The following FARP1 variants were observed in gnomAD, a reference collection of about 807,000 sequenced individuals.
FARP1 encodes FERM, ARH/RhoGEF and pleckstrin domain protein 1, also known as FERM, ARHGEF and pleckstrin domain-containing protein 1.
In FARP1, 52 loss-of-function variants were observed where a neutral mutation model predicts 128.8. The ratio of observed to expected loss-of-function variants is 0.40; its 90% CI spans 0.32 to 0.51. FARP1 has a LOEUF of 0.51. Among genes scored for constraint, FARP1 ranks in the 20% least tolerant of loss-of-function variants. The probability of loss-of-function intolerance (pLI) is 0.45; values close to 1 mark genes in which losing one functional copy is unlikely to be tolerated. For synonymous variants in FARP1, 580 were observed against 551.8 expected, an observed-to-expected ratio of 1.05 and a Z score of -0.72; for missense variants, 1,333 against 1,367.9, an observed-to-expected ratio of 0.97 and a Z score of 0.40.
chr13:98,196,367 G>A (rs76729910), intron 1 of FARP1, among the ~76,000 whole-genome samples: 4 of 152,238 alleles, frequency 2.6e-5, no homozygotes, highest in Non-Finnish European at 5.9e-5. Context: ...GTGACTGTGG[G>A]CAAGTTAATC....
chr13:98,285,101 T>A lies in FARP1; in HGVS notation c.172-58661T>A, dbSNP rs149844677. Reference sequence around the variant, plus strand: ...TTATTCAGTAGCTAAAAGGTAATGCTGCAGTGCTCATGGAAATGCATTCCA... The same window carrying A: ...TTATTCAGTAGCTAAAAGGTAATGCAGCAGTGCTCATGGAAATGCATTCCA... On this transcript the variant is annotated intron_variant, in intron 2 of 26. Transcript: ENST00000319562. 7.2e-5 allele frequency among the ~76,000 whole-genome samples: 11 copies of A among 152,302 alleles called. No individual in the cohort carries two copies. In the East Asian group the frequency reaches 2.1e-3, roughly 29 times the overall value.
In FARP1 at chr13:98,415,157, A is replaced by G. The variant is rs115379255; in HGVS notation, c.1826+3123A>G. 3.1e-3 allele frequency among the ~76,000 whole-genome samples: 470 copies of G among 152,332 alleles called. 2 individuals carry two copies. Among genetic ancestry groups the G allele is most frequent in the African/African-American group, 0.011 (457 of 41,580 alleles). ...AAAACCCCAAACCTGGCGGTGCCTC[A>G]GGGTCACTGGGCTTGGGAACTGGAG... is the stretch of plus-strand genomic sequence containing the variant. On this transcript the variant is annotated intron_variant, in intron 16 of 26. Transcript: ENST00000319562.
At chr13:98,373,836 C>A (rs1446940118) in intron 5 of FARP1, among the ~76,000 whole-genome samples, 1 of 152,108 alleles carries the variant, frequency 6.6e-6, no homozygotes, top group African/African-American at 2.4e-5. Context: ...CCATGTATCT[C>A]ATTTAATTCT....
intron 1 of FARP1, among the ~76,000 whole-genome samples, chr13:98,195,198 A>G (rs1345596018): frequency 1.3e-5 from 2 of 152,202 alleles, no homozygotes; most frequent in Non-Finnish European, 2.9e-5. Context: ...ATTTCAGACC[A>G]TGGCCTGTCC....
At chr13:98,228,523 A>G (rs1881923671) in intron 2 of FARP1, among the ~76,000 whole-genome samples, 1 of 152,062 alleles carries the variant, frequency 6.6e-6, no homozygotes. Flanking sequence ...AAGTTTCCCT[A>G]CCATTCATCG....
intron 1 of FARP1, chr13:98,177,674 A>G (rs1380227746): frequency 6.6e-6 from 1 of 152,034 alleles, no homozygotes; most frequent in Non-Finnish European, 1.5e-5. Context: ...ACCAAAAAAA[A>G]AGGCTTCTCC....
intron 2 of FARP1, among the ~76,000 whole-genome samples, chr13:98,240,295 G>A (rs1369730255): frequency 6.6e-6 from 1 of 152,218 alleles, no homozygotes; most frequent in Non-Finnish European, 1.5e-5. Flanking sequence ...GTCAGCGAGT[G>A]CTGGCCTTGA....
rs148395405 is a variant in FARP1, at chr13:98,194,954, C to G, written c.-23-18266C>G. 2.0e-3 allele frequency among the ~76,000 whole-genome samples: 308 copies of G among 152,304 alleles called. 1 individual carries two copies. The highest frequency in any genetic ancestry group is 6.9e-3 in the African/African-American group (288 of 41,548). On this transcript the variant is annotated intron_variant, in intron 1 of 26. Coordinates refer to ENST00000319562, the MANE Select transcript of FARP1 (RefSeq NM_005766.4). ...TCAGAATGTGCTTGGACTTCCCAGC[C>G]CCTTCTCAGCTTTCTTGTTTTTGGC...
intron 16 of FARP1, among the ~76,000 whole-genome samples, chr13:98,420,876 A>T (rs1016139957): frequency 1.2e-4 from 19 of 152,228 alleles, no homozygotes; most frequent in African/African-American, 4.6e-4. Context: ...AGGCAGTGAC[A>T]TGTAGAGGAA....
chr13:98,380,666 T>C (rs1201341481), intron 6 of FARP1, among the ~76,000 whole-genome samples: 1 of 152,026 alleles, frequency 6.6e-6, no homozygotes, highest in Non-Finnish European at 1.5e-5. Flanking sequence ...CTCGACCTCC[T>C]GGAATCAGGC....
intron 1 of FARP1, among the ~76,000 whole-genome samples, chr13:98,200,021 A>G (rs922556440): frequency 1.4e-4 from 21 of 152,134 alleles, no homozygotes; most frequent in African/African-American, 4.8e-4. Flanking sequence ...TTGTCTTTGC[A>G]TATCTGTTTA....
chr13:98,216,706 T>C (rs553854795), intron 2 of FARP1, among the ~76,000 whole-genome samples: 1 of 152,114 alleles, frequency 6.6e-6, no homozygotes, highest in Admixed American at 6.5e-5. Context: ...CCTAAAAAAA[T>C]TATTATTAAA....
chr13:98,426,594 G>T (rs1353492756), intron 17 of FARP1, among the ~76,000 whole-genome samples: 1 of 152,204 alleles, frequency 6.6e-6, no homozygotes, highest in African/African-American at 2.4e-5. Context: ...CCACTCAAGG[G>T]ATTTCCTGTC....
chr13:98,424,348 G>A (rs143278477), intron 16 of FARP1, among the ~76,000 whole-genome samples: 258 of 152,326 alleles, frequency 1.7e-3, no homozygotes, highest in Non-Finnish European at 3.1e-3. Flanking sequence ...TTGGAAATTG[G>A]TTCTCTCTTG....
At chr13:98,166,591 AC>A (rs1797008473) in intron 1 of FARP1, among the ~76,000 whole-genome samples, 1 of 152,154 alleles carries the variant, frequency 6.6e-6, no homozygotes, top group Non-Finnish European at 1.5e-5. Context: ...AGAGATTTGA[AC>A]CCACACAATC....
Position 98,409,411 on chromosome 13 carries a change from G to A in FARP1, c.1488G>A (p.Val496=), listed in dbSNP as rs770350733. The change falls in exon 14 of 27, where the codon GTG becomes GTA. Residue 496 remains valine, a synonymous_variant. Transcript: ENST00000319562. ...AGGGGGGAGTGGCCCCTGCCAACGT[G>A]ACCTTGTCTCCCAACCTGAGCCCCG... is the stretch of plus-strand genomic sequence containing the variant. ...NSQGGVAPAN[V]TLSPNLSPDT... is the part of the protein sequence containing the mutation. 7.4e-6 allele frequency: 12 copies of A among 1,613,706 alleles called. No homozygotes were observed. The South Asian group carries it at 1.3e-4, about 18-fold the overall frequency.
At chr13:98,359,443 A>G (rs573505098) in intron 3 of FARP1, among the ~76,000 whole-genome samples, 1 of 152,264 alleles carries the variant, frequency 6.6e-6, no homozygotes, top group South Asian at 2.1e-4. Flanking sequence ...ACCCACCAAA[A>G]TAATAGGGGG....
chr13:98,423,665 A>G (rs1891675827), intron 16 of FARP1, among the ~76,000 whole-genome samples: 1 of 152,188 alleles, frequency 6.6e-6, no homozygotes, highest in African/African-American at 2.4e-5. Context: ...CAGATATCAG[A>G]GAAGTTCGTG....
At chr13:98,181,548 AAAG>A (rs1261517201) in intron 1 of FARP1, among the ~76,000 whole-genome samples, 3 of 151,830 alleles carry the variant, frequency 2.0e-5, no homozygotes, top group Admixed American at 6.6e-5. Flanking sequence ...AAAAAAGTAA[AAAG>A]AAGAAATGAA....
Sources: gnomAD v4.1 joint callset for allele counts (sites outside exome capture counted in the v4.1 genomes callset) on GRCh38, gnomAD v4.1.1 for gene constraint, MANE v1.5 for transcripts, NCBI Gene and HGNC (gene_info 2026-07-23, HGNC 2026-07-21) for gene names.